Variants in KCNMA1 observed in about 807,000 individuals in gnomAD.
The protein encoded by KCNMA1 is potassium calcium-activated channel subfamily M alpha 1, also known as Calcium-activated potassium channel subunit alpha-1.
Under a neutral mutation model 140.0 loss-of-function variants are expected in KCNMA1, and 29 were observed. The ratio of observed to expected loss-of-function variants is 0.21; its 90% CI spans 0.15 to 0.28. The LOEUF (loss-of-function observed/expected upper bound fraction) is 0.28, where lower values mean the gene tolerates loss of function less well. KCNMA1 is among the 10% of genes least tolerant of loss of function. The pLI is 1.00. For missense variants in KCNMA1, 880 were observed against 1,602.2 expected, an observed-to-expected ratio of 0.55 and a Z score of 7.70; for synonymous variants, 612 against 611.9, an observed-to-expected ratio of 1.00 and a Z score of 0.00.
chr10:76,894,132 A>G (rs2041482610), intron 25 of KCNMA1, among the ~76,000 whole-genome samples: 1 of 152,238 alleles, frequency 6.6e-6, no homozygotes, highest in African/African-American at 2.4e-5. Context: ...ATAGACCTAT[A>G]GACCAATGGA....
chr10:76,930,993 C>G (rs2059135409), intron 23 of KCNMA1, among the ~76,000 whole-genome samples: 1 of 151,978 alleles, frequency 6.6e-6, no homozygotes, highest in Non-Finnish European at 1.5e-5. Flanking sequence ...TGGTGAGGGT[C>G]AGGGGGAATG....
At chr10:76,997,248 T>C (rs1281400401) in intron 19 of KCNMA1, among the ~76,000 whole-genome samples, 1 of 152,254 alleles carries the variant, frequency 6.6e-6, no homozygotes, top group Non-Finnish European at 1.5e-5. Context: ...CGGAGTTGAA[T>C]GCCTTCTTGT....
intron 1 of KCNMA1, among the ~76,000 whole-genome samples, chr10:77,447,816 AG>A (rs1386432707): frequency 6.6e-6 from 1 of 152,256 alleles, no homozygotes; most frequent in Non-Finnish European, 1.5e-5. Flanking sequence ...TGCTGCTACT[AG>A]GTGCCAACAG....
Position 77,403,886 on chromosome 10 carries a change from G to A in KCNMA1, c.516C>T (p.Ala172=). Residue 172 remains alanine (A), a synonymous_variant, in exon 2 of 28, where the codon GCC becomes GCT. Transcript: ENST00000286628. ...CCAGGACTCTGCCAGTCAGTGTCTG[G>A]GCGGATATCATCACCCCCGCCCAGT... The part of the protein sequence containing the change: ...VKDWAGVMIS[A]QTLTGRVLVV... 6.2e-7 allele frequency: 1 copy of A among 1,613,962 alleles called. No homozygotes were observed. The highest frequency in any genetic ancestry group is 8.5e-7 in the Non-Finnish European group (1 of 1,180,000).
chr10:76,974,565 C>G (rs1484206974), intron 19 of KCNMA1: 1 of 1,544,990 alleles, frequency 6.5e-7, no homozygotes, highest in Non-Finnish European at 8.8e-7. Flanking sequence ...GATCTAGCTG[C>G]AACCTTGACT....
rs561363258 is a variant in KCNMA1 at position 77,008,563 on chromosome 10, G to A, written c.2092+3404C>T. Among the ~76,000 whole-genome samples, 121 of 152,324 alleles carry A rather than the reference G, an allele frequency of 7.9e-4. 1 individual carries two copies. The highest frequency in any genetic ancestry group is 2.2e-3 in the African/African-American group (92 of 41,572). ...CAGGATTTCCAGAAATGGAATGTCCGCACCTGATATTTCTCCGGATGAGAT... is the reference window on the plus strand; with the variant it reads ...CAGGATTTCCAGAAATGGAATGTCCACACCTGATATTTCTCCGGATGAGAT... On this transcript the variant is annotated intron_variant, in intron 18 of 27. Coordinates refer to ENST00000286628, the MANE Select transcript of KCNMA1 (RefSeq NM_001161352.2).
chr10:77,331,064 T>C (rs2086209427), intron 2 of KCNMA1, among the ~76,000 whole-genome samples: 1 of 152,072 alleles, frequency 6.6e-6, no homozygotes, highest in South Asian at 2.1e-4. Flanking sequence ...TAAAACACAC[T>C]GGCTCCAGTC....
chr10:77,353,777 G>A (rs934812996), intron 2 of KCNMA1, among the ~76,000 whole-genome samples: 2 of 152,118 alleles, frequency 1.3e-5, no homozygotes, highest in African/African-American at 4.8e-5. Context: ...ATGACAAAAG[G>A]AAACATAAGA....
chr10:77,407,900 C>T (rs908257541), intron 1 of KCNMA1, among the ~76,000 whole-genome samples: 3 of 152,134 alleles, frequency 2.0e-5, no homozygotes, highest in African/African-American at 7.2e-5. Flanking sequence ...CCAGAGTGAA[C>T]CTTTAATAAA....
At chr10:76,887,801 A>G in intron 27 of KCNMA1, 1 of 445,812 alleles carries the variant, frequency 2.2e-6, no homozygotes, top group South Asian at 2.3e-5. Flanking sequence ...GTACCTTTCT[A>G]TACAAGGTCA....
intron 1 of KCNMA1, among the ~76,000 whole-genome samples, chr10:77,466,470 T>C (rs1392881957): frequency 6.6e-6 from 1 of 152,058 alleles, no homozygotes; most frequent in African/African-American, 2.4e-5. Flanking sequence ...AGCTCTGGAG[T>C]GCAATAGTGA....
intron 3 of KCNMA1, among the ~76,000 whole-genome samples, chr10:77,198,482 C>G (rs908932562): frequency 2.0e-5 from 3 of 151,290 alleles, no homozygotes; most frequent in African/African-American, 4.9e-5. Flanking sequence ...TACATATTGA[C>G]CATTTAGCAG....
intron 25 of KCNMA1, among the ~76,000 whole-genome samples, chr10:76,905,471 T>C (rs2047452954): frequency 6.6e-6 from 1 of 152,224 alleles, no homozygotes; most frequent in Non-Finnish European, 1.5e-5. Context: ...ATGTGGTCTA[T>C]TGTACTCGGA....
intron 21 of KCNMA1, among the ~76,000 whole-genome samples, chr10:76,950,090 T>C (rs1337952087): frequency 6.6e-6 from 1 of 152,240 alleles, no homozygotes; most frequent in Non-Finnish European, 1.5e-5. Flanking sequence ...AATGCAGCCA[T>C]GCTCATACGT....
At chr10:77,573,713 G>A (rs2072860811) in intron 1 of KCNMA1, among the ~76,000 whole-genome samples, 1 of 134,758 alleles carries the variant, frequency 7.4e-6, no homozygotes, top group African/African-American at 2.8e-5. Context: ...GAATAGAATA[G>A]AATAGAATAG....
intron 5 of KCNMA1, chr10:77,148,345 T>C (rs1446426028): frequency 3.3e-5 from 5 of 152,148 alleles, no homozygotes; most frequent in Non-Finnish European, 7.4e-5. Flanking sequence ...TCAATTACAG[T>C]TTACAAAGAA....
At chr10:77,576,452 C>A (rs1372404689) in intron 1 of KCNMA1, among the ~76,000 whole-genome samples, 1 of 152,188 alleles carries the variant, frequency 6.6e-6, no homozygotes, top group Non-Finnish European at 1.5e-5. Flanking sequence ...ACAAACAAAA[C>A]CTCAGGGATC....
At chr10:77,298,781 A>G (rs2075858825) in intron 2 of KCNMA1, among the ~76,000 whole-genome samples, 2 of 152,148 alleles carry the variant, frequency 1.3e-5, no homozygotes, top group South Asian at 2.1e-4. Flanking sequence ...AGTTCTTTCC[A>G]GTGCCCGCCA....
chr10:77,051,264 C>T (rs910067835), intron 14 of KCNMA1, among the ~76,000 whole-genome samples: 6 of 152,072 alleles, frequency 3.9e-5, no homozygotes, highest in African/African-American at 1.2e-4. Flanking sequence ...AATAAAGTCG[C>T]GCCAAAGAGA....
Sources: gnomAD v4.1 joint callset for allele counts (sites outside exome capture counted in the v4.1 genomes callset) on GRCh38, gnomAD v4.1.1 for gene constraint, MANE v1.5 for transcripts, NCBI Gene and HGNC (gene_info 2026-07-23, HGNC 2026-07-21) for gene names.